MAN1A1: variants seen among roughly 807,000 people sequenced by gnomAD.
MAN1A1 encodes mannosidase alpha class 1A member 1, also known as mannosyl-oligosaccharide 1,2-alpha-mannosidase IA.
A neutral mutation model predicts 70.8 loss-of-function variants in MAN1A1; 29 were observed. The ratio of observed to expected loss-of-function variants is 0.41; its 90% CI spans 0.31 to 0.56. The LOEUF is 0.56. MAN1A1 is among the 20% of genes least tolerant of loss of function. The pLI is 0.29. For missense variants in MAN1A1, 747 were observed against 841.3 expected (o/e 0.89, Z 1.39); for synonymous variants, 349 against 330.1 (o/e 1.06, Z -0.62).
chr6:119,218,590 G>A (rs947377122), intron 6 of MAN1A1, among the ~76,000 whole-genome samples: 1 of 151,632 alleles, frequency 6.6e-6, no homozygotes, highest in South Asian at 2.1e-4. Flanking sequence ...CTTGATTCCA[G>A]GCTGGGGCCA....
chr6:119,208,919 A>AC (rs1562192928), intron 6 of MAN1A1, among the ~76,000 whole-genome samples: 2 of 151,872 alleles, frequency 1.3e-5, no homozygotes, highest in African/African-American at 2.4e-5. Context: ...ACATGGTGAG[A>AC]CCCCATCTCT....
intron 5 of MAN1A1, among the ~76,000 whole-genome samples, chr6:119,286,270 T>G (rs974017344): frequency 6.6e-6 from 1 of 152,082 alleles, no homozygotes; most frequent in African/African-American, 2.4e-5. Context: ...TTTACGATTA[T>G]CCATAACTAA....
At chr6:119,197,360 T>C (rs1474108978) in intron 8 of MAN1A1, among the ~76,000 whole-genome samples, 1 of 150,356 alleles carries the variant, frequency 6.7e-6, no homozygotes, top group African/African-American at 2.4e-5. Flanking sequence ...ACAGAGCACA[T>C]ATGTATTCAC....
At chr6:119,187,386 T>C (rs1773319450) in intron 11 of MAN1A1, among the ~76,000 whole-genome samples, 2 of 152,130 alleles carry the variant, frequency 1.3e-5, no homozygotes, top group Admixed American at 6.5e-5. Context: ...AAAACAGAAA[T>C]GTAAAGAAAT....
At chr6:119,306,673 CTT>C (rs1224442138) in intron 3 of MAN1A1, among the ~76,000 whole-genome samples, 34 of 152,286 alleles carry the variant, frequency 2.2e-4, no homozygotes, top group African/African-American at 8.2e-4. Context: ...CGTCAGTACT[CTT>C]TAAAGTTACG....
At chr6:119,300,307 G>C (rs1772352511) in intron 4 of MAN1A1, among the ~76,000 whole-genome samples, 1 of 151,462 alleles carries the variant, frequency 6.6e-6, no homozygotes, top group Admixed American at 6.6e-5. Context: ...CCAGGCTGGA[G>C]TGCAGTGGTG....
At chr6:119,335,906 TA>T (rs1310613124) in intron 2 of MAN1A1, among the ~76,000 whole-genome samples, 1 of 152,208 alleles carries the variant, frequency 6.6e-6, no homozygotes, top group African/African-American at 2.4e-5. Context: ...GATGCCAAGC[TA>T]AACATTTGTG....
chr6:119,214,371 A>C (rs766545896), intron 6 of MAN1A1, among the ~76,000 whole-genome samples: 8 of 152,214 alleles, frequency 5.3e-5, no homozygotes, highest in Non-Finnish European at 8.8e-5. Context: ...TGTTTCAAAG[A>C]ACAAAGTAAC....
chr6:119,337,004 G>A (rs750117539), intron 2 of MAN1A1, among the ~76,000 whole-genome samples: 1 of 151,832 alleles, frequency 6.6e-6, no homozygotes, highest in Non-Finnish European at 1.5e-5. Flanking sequence ...TAAAATAACA[G>A]AATCTTTATA....
rs1014067897 is a variant in MAN1A1 at position 119,178,494 on chromosome 6, C to T, written c.*1325G>A. 4 of 151,890 alleles carry T rather than the reference C, an allele frequency of 2.6e-5. No individual in the cohort carries two copies. Among genetic ancestry groups the T allele is most frequent in the African/African-American group, 9.7e-5 (4 of 41,366 alleles). 9.4% of individuals were successfully genotyped at this position (151,890 alleles called of 1,614,324 possible). On this transcript the variant is annotated 3_prime_UTR_variant, in exon 13 of 13. Coordinates refer to ENST00000368468, the MANE Select transcript of MAN1A1 (RefSeq NM_005907.4). Reference sequence around the variant, plus strand: ...TAAATATATATGTATATATAGTGGGCCAATGTAAGCAAACACAAGGTATCA... The same window carrying T: ...TAAATATATATGTATATATAGTGGGTCAATGTAAGCAAACACAAGGTATCA...
chr6:119,349,025 GC>G lies in MAN1A1; in HGVS notation c.40del (p.Ala14ArgfsTer25). 1 of 1,360,876 alleles carries G rather than the reference GC, an allele frequency of 7.3e-7. No homozygotes were observed. Among genetic ancestry groups the G allele is most frequent in the Non-Finnish European group, 9.5e-7 (1 of 1,053,120 alleles). The allele number at this position is 1,360,876 out of a possible 1,614,324, so 84.3% of individuals were successfully genotyped here. A position where few individuals can be genotyped will look rare whatever the true frequency, so the allele number is the denominator to read the frequency against. ...GGLLPLFSSP[A>X]GGVLGGGLGG... Reference sequence around the variant, plus strand: ...GAGCCCCCCGCCCAGGACGCCGCCCGCGGGGCTGCTGAAGAGCGGCAACAGG... The same window carrying G: ...GAGCCCCCCGCCCAGGACGCCGCCCGGGGGCTGCTGAAGAGCGGCAACAGG... On this transcript the variant is annotated frameshift_variant, in exon 2 of 13. Coordinates refer to ENST00000368468, the MANE Select transcript of MAN1A1 (RefSeq NM_005907.4). LOFTEE classifies it high-confidence loss of function.
intron 6 of MAN1A1, among the ~76,000 whole-genome samples, chr6:119,231,819 C>T (rs2114282635): frequency 6.6e-6 from 1 of 152,298 alleles, no homozygotes; most frequent in Middle Eastern, 3.4e-3. Context: ...GAAGGAGAAT[C>T]AGTTCTAACA....
intron 6 of MAN1A1, among the ~76,000 whole-genome samples, chr6:119,215,213 C>A (rs1008284765): frequency 2.7e-5 from 4 of 150,236 alleles, no homozygotes; most frequent in Admixed American, 6.6e-5. Flanking sequence ...AAAAAAAAAA[C>A]AAAAAACAAA....
At chr6:119,207,761 G>C (rs892591596) in intron 6 of MAN1A1, among the ~76,000 whole-genome samples, 3 of 152,284 alleles carry the variant, frequency 2.0e-5, no homozygotes, top group Non-Finnish European at 4.4e-5. Context: ...ACTCAAATGG[G>C]GGGGTTGGTG....
intron 6 of MAN1A1, among the ~76,000 whole-genome samples, chr6:119,214,036 C>T (rs939458157): frequency 2.6e-5 from 4 of 152,128 alleles, no homozygotes; most frequent in Non-Finnish European, 5.9e-5. Flanking sequence ...ACGATCTTGG[C>T]TCACTGCAAC....
Position 119,271,811 on chromosome 6 carries a change from G to A in MAN1A1, c.897+18872C>T, listed in dbSNP as rs909847619. ...GAGCCACCACGCCCAGCCAACCCCC[G>A]GTTTACAAATGATTTACCTATAGGC... On this transcript the variant is annotated intron_variant, in intron 5 of 12. Transcript: ENST00000368468. 3.3e-5 allele frequency among the ~76,000 whole-genome samples: 5 copies of A among 151,494 alleles called. No homozygotes were observed. The South Asian group carries it at 6.2e-4, about 19-fold the overall frequency.
intron 6 of MAN1A1, among the ~76,000 whole-genome samples, chr6:119,236,242 A>G (rs1774841400): frequency 6.6e-6 from 1 of 152,202 alleles, no homozygotes; most frequent in East Asian, 1.9e-4. Context: ...GGCTTACTGA[A>G]TATTTAAAGC....
In MAN1A1 at chr6:119,287,568, T is replaced by G. The variant is rs1364972187; in HGVS notation, c.897+3115A>C. Among the ~76,000 whole-genome samples the G allele has an allele frequency of 2.0e-5, 3 of 151,942 alleles. No homozygotes were observed. The East Asian group carries it at 5.8e-4, about 29-fold the overall frequency. On this transcript the variant is annotated intron_variant, in intron 5 of 12. Transcript: ENST00000368468. ...ACTTTTTTTTTTAATAGAGGAAGGC[T>G]ATTGTTAAGTAAGTGTGGAAAATGC...
At chr6:119,264,411 T>C (rs1562216521) in intron 5 of MAN1A1, among the ~76,000 whole-genome samples, 1 of 152,238 alleles carries the variant, frequency 6.6e-6, no homozygotes, top group African/African-American at 2.4e-5. Context: ...AAAGCAAAAA[T>C]TGTTAATAAT....
Sources: allele counts gnomAD v4.1 joint callset (sites outside exome capture counted in the v4.1 genomes callset), GRCh38; gene constraint gnomAD v4.1.1; transcripts MANE v1.5; gene names NCBI Gene and HGNC (gene_info 2026-07-23, HGNC 2026-07-21).